Variants in ARHGAP39 observed in about 807,000 individuals in gnomAD.
ARHGAP39 encodes Rho GTPase activating protein 39, also known as rho GTPase-activating protein 39.
ARHGAP39 carries 44 observed loss-of-function variants against 106.9 expected under a neutral mutation model. The observed-to-expected ratio is 0.41, with a 90% CI of 0.32 to 0.53. The LOEUF is 0.53. ARHGAP39 is among the 20% of genes least tolerant of loss of function. The pLI is 0.21. For synonymous variants in ARHGAP39, 768 were observed against 693.2 expected (o/e 1.11, Z -1.69); for missense variants, 1,496 against 1,577.3 (o/e 0.95, Z 0.87).
intron 1 of ARHGAP39, among the ~76,000 whole-genome samples, chr8:144,633,028 G>C (rs906806805): frequency 6.6e-6 from 1 of 152,212 alleles, no homozygotes; most frequent in African/African-American, 2.4e-5. Context: ...TGTAATCCCA[G>C]CTTCCTGGGA....
At chr8:144,592,403 C>T (rs1342463106) in intron 2 of ARHGAP39, among the ~76,000 whole-genome samples, 1 of 128,416 alleles carries the variant, frequency 7.8e-6, no homozygotes, top group East Asian at 2.4e-4. Flanking sequence ...AGCCCAGACC[C>T]TCGGGGAACC....
At chr8:144,665,738 T>G (rs543344663) in intron 1 of ARHGAP39, among the ~76,000 whole-genome samples, 8 of 152,192 alleles carry the variant, frequency 5.3e-5, no homozygotes, top group Non-Finnish European at 1.0e-4. Context: ...CACCTAGATT[T>G]CAGAAGATGT....
intron 1 of ARHGAP39, among the ~76,000 whole-genome samples, chr8:144,677,742 G>A (rs978578225): frequency 6.6e-6 from 1 of 152,202 alleles, no homozygotes; most frequent in Non-Finnish European, 1.5e-5. Context: ...TCTCTAGAAG[G>A]ATACACAAGA....
Position 144,545,726 on chromosome 8 carries a change from T to G in ARHGAP39, c.2044A>C (p.Thr682Pro). 6.2e-7 allele frequency: 1 copy of G among 1,612,006 alleles called. No homozygotes were observed. The highest frequency in any genetic ancestry group is 8.5e-7 in the Non-Finnish European group (1 of 1,179,638). Residue 682 changes from threonine (T) to proline (P), a missense_variant, in exon 6 of 12, where the codon ACT becomes CCT. Thr to Pro is a conservative substitution (Grantham distance 38). Transcript: ENST00000377307. Reference protein sequence around the residue: ...GVPSSSCVFPTFTLRKPSSET... With the variant: ...GVPSSSCVFPPFTLRKPSSET... The stretch of plus-strand genomic sequence containing the variant: ...GAGGAGGGCTTGCGCAGCGTGAAAG[T>G]GGGGAAGACGCAGCTGGAGCTGGGA...
intron 1 of ARHGAP39, among the ~76,000 whole-genome samples, chr8:144,678,952 G>GA (rs1822314187): frequency 6.6e-6 from 1 of 152,128 alleles, no homozygotes; most frequent in Non-Finnish European, 1.5e-5. Context: ...CTCAGGCAGG[G>GA]GTTCTGATCA....
rs1310572992 is a variant in ARHGAP39 at position 144,580,841 on chromosome 8, C to G, written c.512+5G>C. The G allele has an allele frequency of 6.5e-7, 1 of 1,541,602 alleles. No homozygotes were observed. Among genetic ancestry groups the G allele is most frequent in the Non-Finnish European group, 8.7e-7 (1 of 1,151,436 alleles). Reference sequence around the variant, plus strand: ...CCCGCCCATAGCAGCTGCCCCCGCCCTCACCTGCCGCTGTCCTCCTTCACT... The same window carrying G: ...CCCGCCCATAGCAGCTGCCCCCGCCGTCACCTGCCGCTGTCCTCCTTCACT... On this transcript the variant is annotated splice_donor_5th_base_variant and intron_variant, in intron 3 of 11. Transcript: ENST00000377307.
At chr8:144,627,229 A>C (rs1227642698) in intron 1 of ARHGAP39, among the ~76,000 whole-genome samples, 1 of 152,172 alleles carries the variant, frequency 6.6e-6, no homozygotes, top group Non-Finnish European at 1.5e-5. Context: ...CTTCATTTTC[A>C]GCTGGTTGAC....
intron 1 of ARHGAP39, among the ~76,000 whole-genome samples, chr8:144,635,890 A>C (rs1389889991): frequency 8.2e-5 from 1 of 12,256 alleles, no homozygotes; most frequent in Non-Finnish European, 1.6e-4. Context: ...TGGGGACTGA[A>C]TTAGAGGGGG....
chr8:144,696,893 G>A, the ARHGAP39 span, among the ~76,000 whole-genome samples: 1 of 152,062 alleles, frequency 6.6e-6, no homozygotes, highest in Admixed American at 6.6e-5. Flanking sequence ...TCTAGGTACT[G>A]CACATAAGCA....
chr8:144,558,285 C>A (rs1472440183), intron 3 of ARHGAP39, among the ~76,000 whole-genome samples: 1 of 151,300 alleles, frequency 6.6e-6, no homozygotes, highest in Non-Finnish European at 1.5e-5. Context: ...TGTTTAATGT[C>A]TTTTTTTTTG....
At chr8:144,676,674 G>A (rs1212649871) in intron 1 of ARHGAP39, among the ~76,000 whole-genome samples, 8 of 152,194 alleles carry the variant, frequency 5.3e-5, no homozygotes, top group South Asian at 2.1e-4. Context: ...CGGGCACTCC[G>A]GCAGCCCAGA....
chr8:144,571,491 A>C (rs969540822), intron 3 of ARHGAP39, among the ~76,000 whole-genome samples: 2 of 152,240 alleles, frequency 1.3e-5, no homozygotes, highest in African/African-American at 4.8e-5. Context: ...GTATCTCAAA[A>C]TAATAAGAGC....
chr8:144,540,956 A>G (rs1378914242), intron 6 of ARHGAP39, among the ~76,000 whole-genome samples: 1 of 152,152 alleles, frequency 6.6e-6, no homozygotes, highest in Non-Finnish European at 1.5e-5. Flanking sequence ...GGTTCAAGTG[A>G]TTCTCCTGCC....
At chr8:144,681,552 T>G (rs890923753) in intron 1 of ARHGAP39, among the ~76,000 whole-genome samples, 3 of 152,150 alleles carry the variant, frequency 2.0e-5, no homozygotes, top group Non-Finnish European at 4.4e-5. Flanking sequence ...TTTCATGGAC[T>G]TTTTTTCAAC....
Position 144,530,774 on chromosome 8 carries a change from C to CGCCTCGG in ARHGAP39, c.3071_3077dup (p.Ala1027ArgfsTer147). 1 of 1,611,298 alleles carries CGCCTCGG rather than the reference C, an allele frequency of 6.2e-7. No individual in the cohort carries two copies. Among genetic ancestry groups the CGCCTCGG allele is most frequent in the Non-Finnish European group, 8.5e-7 (1 of 1,179,352 alleles). On this transcript the variant is annotated frameshift_variant, in exon 11 of 12. Transcript: ENST00000377307. LOFTEE classifies it high-confidence loss of function. The stretch of plus-strand genomic sequence containing the variant: ...GCAGCGCGTGCACCACGGCCACCGC[C>CGCCTCGG]GCCTCGGGGCTGTCGTAGTGCGCGA...
chr8:144,619,400 G>GCGCC, intron 1 of ARHGAP39, among the ~76,000 whole-genome samples: 1 of 144,244 alleles, frequency 6.9e-6, no homozygotes, highest in African/African-American at 2.9e-5. Flanking sequence ...GTGCCCATGT[G>GCGCC]CGTGTGCGCC....
chr8:144,547,139 G>A lies in ARHGAP39; in HGVS notation c.1947C>T (p.Leu649=). 1 of 1,599,738 alleles carries A rather than the reference G, an allele frequency of 6.3e-7. No individual in the cohort carries two copies. Among genetic ancestry groups the A allele is most frequent in the South Asian group, 1.1e-5 (1 of 88,908 alleles). Residue 649 remains leucine, a synonymous_variant, in exon 5 of 12, where the codon CTC becomes CTT. Transcript: ENST00000377307. The surrounding 1 kb of genome is among the most constrained non-coding windows in gnomAD (Gnocchi z 5.2). The stretch of plus-strand genomic sequence containing the variant: ...ATTGGGCCCTCACCTGTGAGGGGTG[G>A]AGGTAGGGCTCTGGTGAGGCCAGGT... ...QTNLASPEPY[L]HPSQSEDLAA...
chr8:144,697,476 T>C, the ARHGAP39 span, among the ~76,000 whole-genome samples: 2 of 152,176 alleles, frequency 1.3e-5, no homozygotes, highest in Non-Finnish European at 2.9e-5. Flanking sequence ...TTGTATTCAA[T>C]GTTATTATTT....
chr8:144,673,194 G>A (rs1320360515), intron 1 of ARHGAP39, among the ~76,000 whole-genome samples: 1 of 149,544 alleles, frequency 6.7e-6, no homozygotes, highest in Non-Finnish European at 1.5e-5. Context: ...CCTAGCCTGG[G>A]TGATAGATTG....
Sources: allele counts gnomAD v4.1 joint callset (sites outside exome capture counted in the v4.1 genomes callset), GRCh38; gene constraint gnomAD v4.1.1; non-coding constraint Gnocchi (gnomAD v3.1); transcripts MANE v1.5; gene names NCBI Gene and HGNC (gene_info 2026-07-23, HGNC 2026-07-21).